Variants in KIF4A observed in about 807,000 individuals in gnomAD.
KIF4A encodes chromosome-associated kinesin KIF4A.
In KIF4A, 7 loss-of-function variants were observed where a neutral mutation model predicts 105.9. The observed-to-expected ratio is 0.07, with a 90% CI of 0.04 to 0.12. KIF4A has a LOEUF of 0.12. Among genes scored for constraint, KIF4A ranks in the 10% least tolerant of loss-of-function variants. The probability of loss-of-function intolerance (pLI) is 1.00; values close to 1 mark genes in which losing one functional copy is unlikely to be tolerated. For synonymous variants in KIF4A, 281 were observed against 331.3 expected (o/e 0.85, Z 1.65); for missense variants, 558 against 929.2 (o/e 0.60, Z 5.19).
chrX:70,372,933 A>G (rs2086146327), intron 15 of KIF4A, among the ~76,000 whole-genome samples: 1 of 112,352 alleles, frequency 8.9e-6, no homozygotes, highest in Non-Finnish European at 1.9e-5. Flanking sequence ...CAAATGATTC[A>G]CTAGGAGGAC....
chrX:70,401,716 T>A (rs1295927326), intron 22 of KIF4A, among the ~76,000 whole-genome samples: 2 of 112,040 alleles, frequency 1.8e-5, no homozygotes, highest in Non-Finnish European at 3.8e-5. Context: ...TTTTTTCAGT[T>A]GTACTTTCTA....
rs755941319 is a variant in KIF4A at position 70,403,937 on chromosome X, T to C, written c.2693T>C (p.Met898Thr). The change falls in exon 24 of 31, where the codon ATG becomes ACG. Residue 898 changes from methionine (M) to threonine (T), a missense_variant. By Grantham distance (81) the Met-to-Thr change is moderately conservative. Around this residue, in one of 2 missense-constraint regions of KIF4A, gnomAD observed 469 missense variants for 680.4 expected, o/e 0.69. Coordinates refer to ENST00000374403, the MANE Select transcript of KIF4A (RefSeq NM_012310.5). Reference protein sequence around the residue: ...LKQSKTSCADMQKMLFEERNH... With the variant: ...LKQSKTSCADTQKMLFEERNH... ...CAGAGCAAGACCAGCTGTGCTGACA[T>C]GCAGAAGATGCTGTTTGAGGAACGA... 2 of 1,211,353 alleles carry C rather than the reference T, an allele frequency of 1.7e-6. No individual in the cohort carries two copies. The highest frequency in any genetic ancestry group is 3.5e-5 in the South Asian group (2 of 56,903).
chrX:70,394,158 A>G (rs1456525204), intron 20 of KIF4A, among the ~76,000 whole-genome samples: 1 of 104,155 alleles, frequency 9.6e-6, no homozygotes, highest in Non-Finnish European at 2.0e-5. Context: ...GAGCTACCAC[A>G]CCCAGCCAAG....
intron 15 of KIF4A, among the ~76,000 whole-genome samples, chrX:70,364,583 C>A (rs1232529950): frequency 5.5e-5 from 6 of 108,364 alleles, no homozygotes; most frequent in African/African-American, 1.7e-4. Flanking sequence ...GGGCTCTGTT[C>A]TGTTCCATTG....
chrX:70,410,975 T>C (rs907764792), intron 28 of KIF4A, among the ~76,000 whole-genome samples: 1 of 112,841 alleles, frequency 8.9e-6, no homozygotes, highest in African/African-American at 3.2e-5. Context: ...TGTTATATGG[T>C]ATCTGAAAAG....
intron 20 of KIF4A, among the ~76,000 whole-genome samples, chrX:70,392,856 A>AT (rs1407771695): frequency 5.9e-4 from 62 of 105,131 alleles, no homozygotes; most frequent in South Asian, 2.0e-3. Context: ...AATAATAATA[A>AT]TAATTATTAT....
chrX:70,322,213 G>C (rs2085893165), intron 7 of KIF4A, among the ~76,000 whole-genome samples: 3 of 110,465 alleles, frequency 2.7e-5, no homozygotes, highest in African/African-American at 9.9e-5. Flanking sequence ...ATAGTTGACT[G>C]TGGGGAGTCT....
intron 8 of KIF4A, 146 bp from the exon 9 acceptor site, chrX:70,330,011 A>G (rs1450942316): frequency 2.3e-6 from 1 of 439,382 alleles, no homozygotes; most frequent in Non-Finnish European, 3.9e-6. Flanking sequence ...ATATGTATAC[A>G]TTTCCTATTA....
chrX:70,350,642 A>C (rs1256500639), intron 13 of KIF4A, among the ~76,000 whole-genome samples: 1 of 111,370 alleles, frequency 9.0e-6, no homozygotes, highest in Non-Finnish European at 1.9e-5. Flanking sequence ...CTGAGATGGC[A>C]GCACCGCATT....
chrX:70,407,374 T>C (rs2086304538), intron 28 of KIF4A, among the ~76,000 whole-genome samples: 1 of 111,927 alleles, frequency 8.9e-6, no homozygotes, highest in Admixed American at 9.5e-5. Context: ...CCCAAAATGC[T>C]AGGATTACAG....
At chrX:70,328,258 G>A (rs2085917904) in intron 7 of KIF4A, among the ~76,000 whole-genome samples, 1 of 111,539 alleles carries the variant, frequency 9.0e-6, no homozygotes, top group Non-Finnish European at 1.9e-5. Flanking sequence ...CATGGTGCCA[G>A]TAGAATCAAT....
chrX:70,371,161 A>G (rs1004062384), intron 15 of KIF4A, among the ~76,000 whole-genome samples: 15 of 109,450 alleles, frequency 1.4e-4, no homozygotes, highest in African/African-American at 4.7e-4. Flanking sequence ...GTTTTCGCCA[A>G]TCTTTTTTGG....
intron 15 of KIF4A, among the ~76,000 whole-genome samples, chrX:70,368,547 G>T (rs1386075441): frequency 1.8e-5 from 2 of 112,089 alleles, no homozygotes; most frequent in African/African-American, 3.2e-5. Flanking sequence ...ATCAGCAGCG[G>T]AGGCTGCAGA....
chrX:70,352,104 C>T (rs575148603), intron 13 of KIF4A, among the ~76,000 whole-genome samples: 6 of 112,044 alleles, frequency 5.4e-5, no homozygotes, highest in African/African-American at 1.6e-4. Flanking sequence ...CCTTGACTGA[C>T]TATAAAAATA....
At chrX:70,342,255 A>G (rs1379525650) in intron 11 of KIF4A, among the ~76,000 whole-genome samples, 2 of 112,467 alleles carry the variant, frequency 1.8e-5, no homozygotes, top group Non-Finnish European at 3.8e-5. Context: ...CCTAATCTTT[A>G]TCCATAATAC....
intron 7 of KIF4A, among the ~76,000 whole-genome samples, chrX:70,318,004 A>G (rs913577499): frequency 1.8e-5 from 2 of 109,357 alleles, no homozygotes; most frequent in African/African-American, 6.7e-5. Context: ...CAGCCTCCCA[A>G]GTAGCTGGGT....
At chrX:70,334,802 A>G (rs866891005) in intron 10 of KIF4A, among the ~76,000 whole-genome samples, 35 of 112,022 alleles carry the variant, frequency 3.1e-4, no homozygotes, top group African/African-American at 1.0e-3. Flanking sequence ...GAGAAATGCA[A>G]ATTAAAACCC....
intron 10 of KIF4A, among the ~76,000 whole-genome samples, chrX:70,340,127 A>G (rs1018530324): frequency 6.3e-5 from 7 of 111,334 alleles, no homozygotes; most frequent in Non-Finnish European, 3.8e-5. Flanking sequence ...CACATTACCT[A>G]CTAGCTGTGT....
At chrX:70,296,853 C>T (rs1602737261) in intron 3 of KIF4A, 145 bp from the exon 4 acceptor site, 1 of 653,179 alleles carries the variant, frequency 1.5e-6, no homozygotes, top group East Asian at 3.6e-5. Context: ...ACCCACAGAA[C>T]TTTTCTTTGT....
Sources: allele counts gnomAD v4.1 joint callset (sites outside exome capture counted in the v4.1 genomes callset), GRCh38; gene constraint gnomAD v4.1.1; regional missense constraint gnomAD v4.1.1; transcripts MANE v1.5; gene names NCBI Gene and HGNC (gene_info 2026-07-23, HGNC 2026-07-21).